GNG4: variants seen among roughly 807,000 people sequenced by gnomAD.
The protein encoded by GNG4 is G protein subunit gamma 4, also known as guanine nucleotide-binding protein G(I)/G(S)/G(O) subunit gamma-4.
GNG4 carries 4 observed loss-of-function variants against 5.8 expected under a neutral mutation model. The ratio of observed to expected loss-of-function variants is 0.69; its 90% CI spans 0.34 to 1.57. The LOEUF (loss-of-function observed/expected upper bound fraction) is 1.57, where lower values mean the gene tolerates loss of function less well. Ranked by LOEUF, GNG4 falls within the 40% of genes most tolerant of loss-of-function variation. The pLI is 0.06. For synonymous variants in GNG4, 29 were observed against 32.9 expected (o/e 0.88, Z 0.41); for missense variants, 96 against 95.1 (o/e 1.01, Z -0.04).
intron 1 of GNG4, among the ~76,000 whole-genome samples, chr1:235,633,401 C>T (rs1001619466): frequency 4.6e-5 from 7 of 152,154 alleles, no homozygotes; most frequent in East Asian, 1.9e-4. Flanking sequence ...TACCATATGG[C>T]GGGACAGTGC....
intron 1 of GNG4, among the ~76,000 whole-genome samples, chr1:235,618,101 A>C (rs1156675898): frequency 6.6e-6 from 1 of 152,182 alleles, no homozygotes; most frequent in African/African-American, 2.4e-5. Flanking sequence ...GGGTAATCAG[A>C]AATGGAATCA....
intron 2 of GNG4, among the ~76,000 whole-genome samples, chr1:235,587,279 A>T: frequency 1.5e-5 from 1 of 66,626 alleles, no homozygotes; most frequent in African/African-American, 7.2e-5. Flanking sequence ...AGTGTGTGTG[A>T]AGGTGTGGGT....
At chr1:235,556,636 C>T (rs142656495) in intron 3 of GNG4, among the ~76,000 whole-genome samples, 12 of 150,924 alleles carry the variant, frequency 8.0e-5, no homozygotes, top group Admixed American at 2.6e-4. Context: ...CCAACGTTTT[C>T]GGCACGAGGG....
chr1:235,570,961 CCTT>C (rs1255879764), intron 3 of GNG4, among the ~76,000 whole-genome samples: 2 of 88,592 alleles, frequency 2.3e-5, no homozygotes, highest in Admixed American at 1.4e-4. Flanking sequence ...TATATACATA[CCTT>C]TTTTTTTTTT....
chr1:235,609,758 T>C (rs1688438383), intron 1 of GNG4, among the ~76,000 whole-genome samples: 1 of 151,836 alleles, frequency 6.6e-6, no homozygotes, highest in Non-Finnish European at 1.5e-5. Flanking sequence ...ACAAAAAAAA[T>C]TAGCCGGGTG....
In GNG4 at chr1:235,648,935, C is replaced by T. The variant is rs976772282; in HGVS notation, c.-123+727G>A. Among the ~76,000 whole-genome samples the T allele has an allele frequency of 2.0e-5, 3 of 152,226 alleles. No individual in the cohort carries two copies. Among genetic ancestry groups the T allele is most frequent in the Non-Finnish European group, 4.4e-5 (3 of 68,036 alleles). ...AATCTTAAATTAAGGAGTCTTTCCC[C>T]ACCACGCTCTGTCCTCCTCCCCACT... On this transcript the variant is annotated intron_variant, in intron 1 of 3. Coordinates refer to ENST00000391854, the MANE Select transcript of GNG4 (RefSeq NM_001098722.2). The surrounding 1 kb of genome is among the most constrained non-coding windows in gnomAD (Gnocchi z 5.0).
intron 1 of GNG4, among the ~76,000 whole-genome samples, chr1:235,637,653 C>CAA (rs5781837): frequency 3.8e-4 from 44 of 116,254 alleles, no homozygotes; most frequent in African/African-American, 1.1e-3. Flanking sequence ...GACCTTGTCT[C>CAA]AAAAAAAAAA....
chr1:235,639,680 A>G (rs1235252288), intron 1 of GNG4, among the ~76,000 whole-genome samples: 1 of 151,830 alleles, frequency 6.6e-6, no homozygotes, highest in Non-Finnish European at 1.5e-5. Flanking sequence ...TAATTTTTGT[A>G]TTTTCAGTAG....
intron 3 of GNG4, among the ~76,000 whole-genome samples, chr1:235,564,706 G>A (rs758872326): frequency 6.6e-6 from 1 of 151,902 alleles, no homozygotes; most frequent in Non-Finnish European, 1.5e-5. Context: ...ATTTTTTTTA[G>A]ACAGAGTCTA....
chr1:235,570,913 C>G (rs867860194), intron 3 of GNG4, among the ~76,000 whole-genome samples: 2 of 64,892 alleles, frequency 3.1e-5, no homozygotes, highest in Non-Finnish European at 5.2e-5. Flanking sequence ...TGTGTGTATA[C>G]ATATATATAT....
chr1:235,620,566 C>T lies in GNG4; in HGVS notation c.-122-25055G>A, dbSNP rs538955539. On this transcript the variant is annotated intron_variant, in intron 1 of 3. Transcript: ENST00000391854. ...TTTGTTTGTTTTTGAGACGGAGTCT[C>T]GCTCTATTGCCCAGACTGGAGTGCA... is the stretch of plus-strand genomic sequence containing the variant. Among the ~76,000 whole-genome samples, 5 of 152,200 alleles carry T rather than the reference C, an allele frequency of 3.3e-5. No individual in the cohort carries two copies. The South Asian group carries it at 1.0e-3, about 32-fold the overall frequency.
intron 1 of GNG4, among the ~76,000 whole-genome samples, chr1:235,635,056 A>G (rs529031272): frequency 2.0e-5 from 3 of 152,354 alleles, no homozygotes; most frequent in African/African-American, 7.2e-5. Flanking sequence ...GTACCAGAAC[A>G]TGGCATTGTT....
intron 1 of GNG4, among the ~76,000 whole-genome samples, chr1:235,609,539 TAA>T (rs898814547): frequency 6.6e-6 from 1 of 151,314 alleles, no homozygotes; most frequent in Non-Finnish European, 1.5e-5. Flanking sequence ...TCATTTACTT[TAA>T]AAAAAAAGTC....
At chr1:235,562,434 G>T (rs933204204) in intron 3 of GNG4, among the ~76,000 whole-genome samples, 9 of 152,080 alleles carry the variant, frequency 5.9e-5, no homozygotes, top group African/African-American at 2.2e-4. Flanking sequence ...ATCACTTGAG[G>T]TCAGGAGTTC....
At chr1:235,592,684 T>C (rs778323002) in intron 2 of GNG4, among the ~76,000 whole-genome samples, 10 of 152,194 alleles carry the variant, frequency 6.6e-5, no homozygotes, top group African/African-American at 1.4e-4. Flanking sequence ...GGCTTGAAGA[T>C]AGCCGCCCTT....
intron 3 of GNG4, among the ~76,000 whole-genome samples, chr1:235,564,972 A>G (rs1011560647): frequency 6.6e-6 from 1 of 152,164 alleles, no homozygotes; most frequent in Non-Finnish European, 1.5e-5. Flanking sequence ...CGTGAGCCAC[A>G]GCGCCCAGCC....
At chr1:235,622,873 C>CAAAAAAAAAAAAAA (rs59428350) in intron 1 of GNG4, among the ~76,000 whole-genome samples, 4 of 66,654 alleles carry the variant, frequency 6.0e-5, no homozygotes, top group Admixed American at 2.2e-4. Context: ...GACTCCATCT[C>CAAAAAAAAAAAAAA]AAAAAAAAAA....
intron 1 of GNG4, among the ~76,000 whole-genome samples, chr1:235,645,797 CAAAAAAAAAAAA>C (rs6143682): frequency 5.5e-5 from 5 of 90,382 alleles, no homozygotes; most frequent in South Asian, 5.0e-4. Context: ...AACTCAGTCT[CAAAAAAAAAAAA>C]AAAAAAAAAA....
intron 3 of GNG4, among the ~76,000 whole-genome samples, chr1:235,578,046 C>CT (rs374463266): frequency 8.3e-4 from 126 of 151,622 alleles, no homozygotes; most frequent in African/African-American, 2.8e-3. Flanking sequence ...TGCACCTTTT[C>CT]TTTTTTTTTC....
Sources: allele counts gnomAD v4.1 joint callset (sites outside exome capture counted in the v4.1 genomes callset), GRCh38; gene constraint gnomAD v4.1.1; non-coding constraint Gnocchi (gnomAD v3.1); transcripts MANE v1.5; gene names NCBI Gene and HGNC (gene_info 2026-07-23, HGNC 2026-07-21).